IRGM: variants seen among roughly 807,000 people sequenced by gnomAD.
The protein encoded by IRGM is immunity-related GTPase family M protein.
For missense variants in IRGM, 288 were observed against 219.9 expected (o/e 1.31, Z -1.96); for synonymous variants, 98 against 80.6 (o/e 1.22, Z -1.16).
At chr5:150,896,568 T>C in intron 3 of IRGM, 1 of 1,613,790 alleles carries the variant, frequency 6.2e-7, no homozygotes. Flanking sequence ...GGGCTCACTC[T>C]GGCTAGATGA....
In IRGM at chr5:150,848,320, C is replaced by A; in HGVS notation, c.197C>A (p.Thr66Asn). 1 of 1,551,858 alleles carries A rather than the reference C, an allele frequency of 6.4e-7. No individual in the cohort carries two copies. ...CATGAGGGTAAGGCCTCACCTCCTACTGAGCTGGTAAAAGCTACCCAAAGA... is the reference window on the plus strand; with the variant it reads ...CATGAGGGTAAGGCCTCACCTCCTAATGAGCTGGTAAAAGCTACCCAAAGA... ...TGHEGKASPP[T>N]ELVKATQRCA... The change falls in exon 2 of 2, where the codon ACT becomes AAT. Residue 66 changes from threonine (T) to asparagine (N), a missense_variant. Coordinates refer to ENST00000522154, the MANE Select transcript of IRGM (RefSeq NM_001145805.2).
intron 3 of IRGM, among the ~76,000 whole-genome samples, chr5:150,887,413 G>A (rs1431861670): frequency 6.6e-6 from 1 of 151,940 alleles, no homozygotes; most frequent in Non-Finnish European, 1.5e-5. Context: ...TAAAAGGAAT[G>A]AACAAAACCT....
chr5:150,896,601 TC>T (rs778765222), intron 3 of IRGM: 19 of 1,613,616 alleles, frequency 1.2e-5, no homozygotes, highest in Non-Finnish European at 1.4e-5. Flanking sequence ...AAAACTCTGA[TC>T]AGGTTTTTTT....
chr5:150,901,639 A>G (rs760881019), downstream of IRGM, among the ~76,000 whole-genome samples: 11 of 152,144 alleles, frequency 7.2e-5, no homozygotes, highest in Admixed American at 1.3e-4. Flanking sequence ...CGATAATCAT[A>G]ATGATGATGT....
chr5:150,895,767 T>C, intron 3 of IRGM: 1 of 1,613,588 alleles, frequency 6.2e-7, no homozygotes, highest in Non-Finnish European at 8.5e-7. Context: ...TTTATAGGGT[T>C]TTTCTCCAGT....
chr5:150,848,149 C>T lies in IRGM; in HGVS notation c.26C>T (p.Ala9Val). MEAMNVEK[A>V]SADGNLPEVI... ...ATGGAAGCCATGAATGTTGAGAAAG[C>T]CTCAGCAGATGGGAACTTGCCAGAG... is the stretch of plus-strand genomic sequence containing the variant. The change falls in exon 2 of 2, where the codon GCC (alanine) becomes GTC (valine). Residue 9 changes from alanine (A) to valine (V), a missense_variant. Physicochemically the swap from Ala to Val is moderately conservative, Grantham distance 64. Transcript: ENST00000522154. 6.5e-7 allele frequency: 1 copy of T among 1,548,578 alleles called. No individual in the cohort carries two copies. Among genetic ancestry groups the T allele is most frequent in the East Asian group, 2.4e-5 (1 of 40,986 alleles).
In IRGM at chr5:150,857,867, T is replaced by C. The variant is rs1754080442; in HGVS notation, c.158+9213T>C. Among the ~76,000 whole-genome samples the C allele has an allele frequency of 3.3e-5, 5 of 151,776 alleles. No homozygotes were observed. The South Asian group carries it at 8.3e-4, about 25-fold the overall frequency. On this transcript the variant is annotated intron_variant and NMD_transcript_variant, in intron 1 of 3. Coordinates refer to the IRGM transcript ENST00000520549. ...TAGGTTGCGAAAATTTTCTCCCATT[T>C]TGTAGGTTGCCTGTTCACTCTGATG...
chr5:150,876,175 T>C (rs775289628), intron 1 of IRGM, among the ~76,000 whole-genome samples: 16 of 152,238 alleles, frequency 1.1e-4, no homozygotes, highest in Non-Finnish European at 1.9e-4. Flanking sequence ...TATGTGACAA[T>C]ACTTTGCAGG....
intron 1 of IRGM, among the ~76,000 whole-genome samples, chr5:150,866,835 T>C (rs1754214737): frequency 6.6e-6 from 1 of 152,226 alleles, no homozygotes; most frequent in Non-Finnish European, 1.5e-5. Flanking sequence ...GAACCTTTCA[T>C]ATTCTGATTA....
chr5:150,891,170 ATCACTATGAAC>A (rs1235577875), intron 3 of IRGM, among the ~76,000 whole-genome samples: 1 of 152,094 alleles, frequency 6.6e-6, no homozygotes, highest in African/African-American at 2.4e-5. Context: ...TGATTCCTTT[ATCACTATGAAC>A]TGGTCTTTTA....
downstream of IRGM, among the ~76,000 whole-genome samples, chr5:150,853,582 G>A (rs1469888917): frequency 6.6e-6 from 1 of 152,024 alleles, no homozygotes; most frequent in Non-Finnish European, 1.5e-5. Context: ...TTGGAGATAC[G>A]ATGTTTGGTA....
At chr5:150,860,182 A>C (rs867536290) in intron 1 of IRGM, among the ~76,000 whole-genome samples, 1 of 152,238 alleles carries the variant, frequency 6.6e-6, no homozygotes, top group African/African-American at 2.4e-5. Context: ...AACGTCTCCT[A>C]TAACATTTTT....
intron 1 of IRGM, among the ~76,000 whole-genome samples, chr5:150,855,943 T>G (rs1442938532): frequency 6.6e-6 from 1 of 151,860 alleles, no homozygotes; most frequent in Non-Finnish European, 1.5e-5. Context: ...CTCCAGATGT[T>G]AATTAGGAGA....
At chr5:150,894,777 T>G (rs1335142560) in intron 3 of IRGM, 1 of 152,316 alleles carries the variant, frequency 6.6e-6, no homozygotes, top group African/African-American at 2.4e-5. Context: ...CCATCTGGCC[T>G]CAGTGCCAAT....
chr5:150,873,658 C>T (rs1364211276), intron 1 of IRGM, among the ~76,000 whole-genome samples: 4 of 152,044 alleles, frequency 2.6e-5, no homozygotes, highest in Admixed American at 1.3e-4. Flanking sequence ...TCCAGTGGGT[C>T]CCTGGACTCA....
chr5:150,868,878 A>T (rs1194640808), intron 1 of IRGM, among the ~76,000 whole-genome samples: 2 of 152,094 alleles, frequency 1.3e-5, no homozygotes, highest in Non-Finnish European at 2.9e-5. Flanking sequence ...CAGATCTAGG[A>T]GCTTTTTGGA....
chr5:150,853,028 A>G (rs556029607), downstream of IRGM, among the ~76,000 whole-genome samples: 5 of 152,252 alleles, frequency 3.3e-5, no homozygotes, highest in African/African-American at 1.2e-4. Context: ...GCCTTAAAAC[A>G]TAAAGTTGTA....
intron 1 of IRGM, among the ~76,000 whole-genome samples, chr5:150,859,205 T>C (rs1475206988): frequency 6.6e-6 from 1 of 152,202 alleles, no homozygotes; most frequent in Non-Finnish European, 1.5e-5. Context: ...TTGTCTTTGG[T>C]TCTGTTTATA....
At chr5:150,873,323 G>A (rs1211463961) in intron 1 of IRGM, among the ~76,000 whole-genome samples, 1 of 152,176 alleles carries the variant, frequency 6.6e-6, no homozygotes, top group African/African-American at 2.4e-5. Flanking sequence ...TCAATTTCCA[G>A]ACTTGAACCA....
Sources: gnomAD v4.1 joint callset for allele counts (sites outside exome capture counted in the v4.1 genomes callset) on GRCh38, gnomAD v4.1.1 for gene constraint, MANE v1.5 for transcripts, NCBI Gene and HGNC (gene_info 2026-07-23, HGNC 2026-07-21) for gene names.